Variants in ARHGAP6 observed in about 807,000 individuals in gnomAD.
The protein encoded by ARHGAP6 is rho GTPase-activating protein 6.
Under a neutral mutation model 55.7 loss-of-function variants are expected in ARHGAP6, and 16 were observed. The ratio of observed to expected loss-of-function variants is 0.29; its 90% CI spans 0.19 to 0.44. The LOEUF is 0.44. Among genes scored for constraint, ARHGAP6 ranks in the 20% least tolerant of loss-of-function variants. The pLI is 1.00. For synonymous variants in ARHGAP6, 382 were observed against 360.9 expected (o/e 1.06, Z -0.66); for missense variants, 698 against 808.9 (o/e 0.86, Z 1.66).
At chrX:11,303,406 G>C (rs1001930983) in intron 1 of ARHGAP6, among the ~76,000 whole-genome samples, 1 of 111,980 alleles carries the variant, frequency 8.9e-6, no homozygotes, top group South Asian at 3.7e-4. Flanking sequence ...ATAAGATTGG[G>C]CTGGGAGTGG....
chrX:11,639,869 T>C (rs1006344804), intron 1 of ARHGAP6, among the ~76,000 whole-genome samples: 4 of 111,009 alleles, frequency 3.6e-5, no homozygotes, highest in Non-Finnish European at 7.6e-5. Flanking sequence ...GCCTTAACCA[T>C]TGGATTTTTA....
intron 1 of ARHGAP6, among the ~76,000 whole-genome samples, chrX:11,370,766 G>A (rs2049134980): frequency 9.0e-6 from 1 of 111,321 alleles, no homozygotes; most frequent in African/African-American, 3.3e-5. Flanking sequence ...TCTCCCTAGT[G>A]AGAACTCACA....
At chrX:11,322,945 AG>A (rs1429625330) in intron 1 of ARHGAP6, among the ~76,000 whole-genome samples, 1 of 112,453 alleles carries the variant, frequency 8.9e-6, no homozygotes, top group Non-Finnish European at 1.9e-5. Flanking sequence ...TTTTGGATAA[AG>A]GAAAACAATC....
At chrX:11,217,376 G>T (rs746580524) in intron 2 of ARHGAP6, among the ~76,000 whole-genome samples, 1 of 112,006 alleles carries the variant, frequency 8.9e-6, no homozygotes, top group African/African-American at 3.2e-5. Context: ...TCCAGCATCT[G>T]TTGTTTCCTG....
At chrX:11,402,186 A>T (rs912054989) in intron 1 of ARHGAP6, among the ~76,000 whole-genome samples, 7 of 112,109 alleles carry the variant, frequency 6.2e-5, no homozygotes, top group Admixed American at 4.7e-4. Flanking sequence ...ACAACATTGC[A>T]TTGAGATTTA....
At chrX:11,424,159 A>C (rs181217755) in intron 1 of ARHGAP6, among the ~76,000 whole-genome samples, 42 of 112,128 alleles carry the variant, frequency 3.7e-4, no homozygotes, top group Admixed American at 1.9e-3. Context: ...GACTATCCTC[A>C]TTGTCTAAAT....
chrX:11,313,816 C>T (rs981670904), intron 1 of ARHGAP6, among the ~76,000 whole-genome samples: 6 of 112,097 alleles, frequency 5.4e-5, no homozygotes, highest in East Asian at 2.8e-4. Flanking sequence ...AAGACAAGTA[C>T]GCTTTGATGA....
chrX:11,174,637 T>TTTCTG (rs1569241566), intron 8 of ARHGAP6, among the ~76,000 whole-genome samples: 4 of 67,061 alleles, frequency 6.0e-5, no homozygotes, highest in African/African-American at 2.0e-4. Flanking sequence ...CTTTCTTTCT[T>TTTCTG]TCTTTCTTTC....
chrX:11,353,737 C>T (rs942836347), intron 1 of ARHGAP6, among the ~76,000 whole-genome samples: 6 of 110,583 alleles, frequency 5.4e-5, no homozygotes, highest in African/African-American at 2.0e-4. Context: ...TTGTCTGACC[C>T]GTCACTTCTA....
rs759211414 is a variant in ARHGAP6 at position 11,222,751 on chromosome X, G to T, written c.749-25755C>A. On this transcript the variant is annotated intron_variant, in intron 2 of 12. Coordinates refer to ENST00000337414, the MANE Select transcript of ARHGAP6 (RefSeq NM_013427.3). Reference sequence around the variant, plus strand: ...TGTATTATGTTATGTCTACCCTTTTGATGGTCTTACTTTTATGTGCTTTAC... The same window carrying T: ...TGTATTATGTTATGTCTACCCTTTTTATGGTCTTACTTTTATGTGCTTTAC... Among the ~76,000 whole-genome samples the T allele has an allele frequency of 9.8e-4, 110 of 111,724 alleles. 1 individual carries two copies. Among genetic ancestry groups the T allele is most frequent in the Non-Finnish European group, 1.6e-3 (87 of 53,056 alleles).
intron 1 of ARHGAP6, among the ~76,000 whole-genome samples, chrX:11,361,607 G>A (rs1204988854): frequency 2.7e-5 from 3 of 110,061 alleles, no homozygotes; most frequent in Non-Finnish European, 5.7e-5. Context: ...AGGACTTCAT[G>A]TCTAAAACAC....
chrX:11,189,964 T>C (rs2046433397), intron 3 of ARHGAP6, among the ~76,000 whole-genome samples: 1 of 112,381 alleles, frequency 8.9e-6, no homozygotes, highest in African/African-American at 3.2e-5. Context: ...TAAGTTGGAA[T>C]CTAACCTCTC....
In ARHGAP6 at chrX:11,505,074, G is replaced by A. The variant is rs369454174; in HGVS notation, c.588+159167C>T. Among the ~76,000 whole-genome samples the A allele has an allele frequency of 2.3e-4, 25 of 110,821 alleles. No homozygotes were observed. The East Asian group carries it at 4.5e-3, about 20-fold the overall frequency. ...AAAGACCAACATAATGAAGGAAGGC[G>A]CAACAGAGTCCAAACTAGGCAGATG... is the stretch of plus-strand genomic sequence containing the variant. On this transcript the variant is annotated intron_variant, in intron 1 of 12. Transcript: ENST00000337414.
intron 1 of ARHGAP6, among the ~76,000 whole-genome samples, chrX:11,304,777 C>CTTTTTTTTTTTT (rs953912280): frequency 8.0e-5 from 4 of 50,284 alleles, no homozygotes; most frequent in African/African-American, 2.6e-4. Flanking sequence ...CTTTCTTTTA[C>CTTTTTTTTTTTT]TTTTTTTTTT....
At chrX:11,357,504 A>C (rs374366796) in intron 1 of ARHGAP6, among the ~76,000 whole-genome samples, 5 of 111,607 alleles carry the variant, frequency 4.5e-5, no homozygotes, top group African/African-American at 1.6e-4. Flanking sequence ...CACTCTTATG[A>C]TTTGGCTCAT....
At chrX:11,517,370 C>A (rs2050853001) in intron 1 of ARHGAP6, among the ~76,000 whole-genome samples, 1 of 111,622 alleles carries the variant, frequency 9.0e-6, no homozygotes, top group South Asian at 3.7e-4. Context: ...GTGCATGGAA[C>A]TTCAAATTCT....
At chrX:11,454,769 A>C (rs934467075) in intron 1 of ARHGAP6, among the ~76,000 whole-genome samples, 5 of 112,486 alleles carry the variant, frequency 4.4e-5, no homozygotes, top group African/African-American at 1.6e-4. Flanking sequence ...CTTGGTGTGC[A>C]CTGGGCATTT....
chrX:11,205,550 C>T (rs1283962216), intron 2 of ARHGAP6, among the ~76,000 whole-genome samples: 1 of 111,685 alleles, frequency 9.0e-6, no homozygotes, highest in Non-Finnish European at 1.9e-5. Flanking sequence ...TCACACAGAC[C>T]CTGAAATCTC....
chrX:11,221,840 T>C (rs1205487669), intron 2 of ARHGAP6, among the ~76,000 whole-genome samples: 1 of 111,251 alleles, frequency 9.0e-6, no homozygotes, highest in Non-Finnish European at 1.9e-5. Context: ...ACCTAGGTTA[T>C]AGCATAGTAC....
Sources: gnomAD v4.1 joint callset for allele counts (sites outside exome capture counted in the v4.1 genomes callset) on GRCh38, gnomAD v4.1.1 for gene constraint, MANE v1.5 for transcripts, NCBI Gene and HGNC (gene_info 2026-07-23, HGNC 2026-07-21) for gene names.